The following DUSP29 variants were observed in gnomAD, a reference collection of about 807,000 sequenced individuals.
DUSP29 encodes the protein dual specificity phosphatase 29.
In DUSP29, 12 loss-of-function variants were observed where a neutral mutation model predicts 13.5. That is an observed-to-expected ratio of 0.89 (90% CI 0.57 to 1.44). The LOEUF is 1.44. Ranked by LOEUF, DUSP29 falls within the 40% of genes most tolerant of loss-of-function variation. The probability of loss-of-function intolerance (pLI) is 0.00; values close to 1 mark genes in which losing one functional copy is unlikely to be tolerated. For synonymous variants in DUSP29, 134 were observed against 128.7 expected (o/e 1.04, Z -0.28); for missense variants, 308 against 301.1 (o/e 1.02, Z -0.17).
At chr10:75,060,552 A>G (rs10824259) in intron 1 of DUSP29, among the ~76,000 whole-genome samples, 50,477 of 151,770 alleles carry the variant, frequency 0.33, 9,271 homozygotes, top group East Asian at 0.73. Context: ...AGATGGATAG[A>G]TAAAGGAGAA....
At chr10:75,052,690 G>C (rs1230852021) in intron 2 of DUSP29, among the ~76,000 whole-genome samples, 2 of 151,606 alleles carry the variant, frequency 1.3e-5, no homozygotes, top group South Asian at 4.2e-4. Context: ...GACTTCAAGC[G>C]AGCCACCTGC....
At chr10:75,057,500 G>A (rs570979592) in intron 2 of DUSP29, among the ~76,000 whole-genome samples, 5 of 152,232 alleles carry the variant, frequency 3.3e-5, no homozygotes, top group African/African-American at 9.6e-5. Flanking sequence ...TAACTGCTCT[G>A]TGCCTCAGTT....
intron 2 of DUSP29, among the ~76,000 whole-genome samples, chr10:75,045,478 C>A (rs2072886118): frequency 6.6e-6 from 1 of 152,178 alleles, no homozygotes; most frequent in African/African-American, 2.4e-5. Context: ...TCCGAAGGAC[C>A]TAAAACTTCA....
At chr10:75,044,122 G>A (rs6480766) in intron 2 of DUSP29, 105 bp from the exon 3 acceptor site, 109,081 of 1,100,924 alleles carry the variant, frequency 0.099, 15,305 homozygotes, top group African/African-American at 0.57. Flanking sequence ...GTTCCAGAAT[G>A]AGGACTAGTT....
intron 1 of DUSP29, among the ~76,000 whole-genome samples, chr10:75,065,335 G>C (rs567114602): frequency 8.5e-5 from 13 of 152,232 alleles, no homozygotes; most frequent in African/African-American, 3.1e-4. Context: ...GCCTAGGAAT[G>C]AGAGCATGTG....
At chr10:75,065,926 T>C (rs1221497438) in intron 1 of DUSP29, among the ~76,000 whole-genome samples, 1 of 152,126 alleles carries the variant, frequency 6.6e-6, no homozygotes, top group African/African-American at 2.4e-5. Context: ...AGACATTGTC[T>C]TGCTATGGTG....
At chr10:75,050,589 C>A (rs1205405812) in intron 2 of DUSP29, among the ~76,000 whole-genome samples, 1 of 152,232 alleles carries the variant, frequency 6.6e-6, no homozygotes, top group Admixed American at 6.5e-5. Context: ...AGTCCCAGAA[C>A]AATAAAATGC....
rs769146430 is a variant in DUSP29 at position 75,058,471 on chromosome 10, G to A, written c.44C>T (p.Ser15Leu). The change falls in exon 2 of 4, where the codon TCA becomes TTA. Residue 15 changes from serine (S) to leucine (L), a missense_variant. Physicochemically the swap from Ser to Leu is moderately radical, Grantham distance 145. Transcript: ENST00000338487. ...EVKTSLKNAYSSAKRLSPKME... is the reference protein window; with the variant it reads ...EVKTSLKNAYLSAKRLSPKME... ...CTTCGGCGACAGCCTCTTGGCAGATGAGTAGGCATTCTTGAGGCTTGTCTT... is the reference window on the plus strand; with the variant it reads ...CTTCGGCGACAGCCTCTTGGCAGATAAGTAGGCATTCTTGAGGCTTGTCTT... 4 of 1,614,244 alleles carry A rather than the reference G, an allele frequency of 2.5e-6. No homozygotes were observed. The highest frequency in any genetic ancestry group is 2.2e-5 in the East Asian group (1 of 44,886).
chr10:75,041,989 A>G (rs771266530), intron 3 of DUSP29, among the ~76,000 whole-genome samples: 20 of 152,222 alleles, frequency 1.3e-4, no homozygotes, highest in Non-Finnish European at 2.8e-4. Flanking sequence ...TACAGTTCAA[A>G]GTTGGAATGT....
In DUSP29 at chr10:75,038,022, C is replaced by T. The variant is rs762681208; in HGVS notation, c.477G>A (p.Leu159=). Residue 159 remains leucine, a synonymous_variant, in exon 4 of 4, where the codon CTG becomes CTA. Transcript: ENST00000338487. ...TGTCCTTGTGGATCATCAGGTAGGC[C>T]AGGACCAGGGTGGCTGACCGGCTGC... The part of the protein sequence containing the change: ...MGRSRSATLV[L]AYLMIHKDMT... 1.9e-6 allele frequency: 3 copies of T among 1,613,916 alleles called. No homozygotes were observed. The East Asian group carries it at 6.7e-5, about 36-fold the overall frequency.
chr10:75,063,833 T>C (rs1847139263), intron 1 of DUSP29, among the ~76,000 whole-genome samples: 1 of 151,986 alleles, frequency 6.6e-6, no homozygotes. Flanking sequence ...TATCAAAACA[T>C]CACATCGTAT....
intron 1 of DUSP29, among the ~76,000 whole-genome samples, chr10:75,060,011 T>A (rs550577762): frequency 2.6e-5 from 4 of 151,738 alleles, no homozygotes; most frequent in African/African-American, 9.7e-5. Context: ...ATACAAAAAA[T>A]TAGCCGGGTG....
intron 2 of DUSP29, among the ~76,000 whole-genome samples, chr10:75,054,462 G>T (rs759451533): frequency 1.7e-4 from 26 of 152,138 alleles, no homozygotes; most frequent in Admixed American, 5.2e-4. Flanking sequence ...AGTAATAAAA[G>T]AAAATGTTTA....
chr10:75,057,539 C>T (rs931687522), intron 2 of DUSP29, among the ~76,000 whole-genome samples: 8 of 152,154 alleles, frequency 5.3e-5, no homozygotes, highest in Non-Finnish European at 8.8e-5. Flanking sequence ...GAGTAATTAG[C>T]CTCTATCACT....
chr10:75,071,227 C>T (rs1274666347), intron 1 of DUSP29, among the ~76,000 whole-genome samples: 1 of 152,244 alleles, frequency 6.6e-6, no homozygotes, highest in Non-Finnish European at 1.5e-5. Context: ...CTGTCCATCC[C>T]TCATTAAGCT....
chr10:75,054,449 A>G (rs1846912425), intron 2 of DUSP29, among the ~76,000 whole-genome samples: 1 of 152,234 alleles, frequency 6.6e-6, no homozygotes, highest in Non-Finnish European at 1.5e-5. Flanking sequence ...TAAATATATA[A>G]GAAGTAATAA....
At chr10:75,067,852 G>A (rs185925765) in intron 1 of DUSP29, among the ~76,000 whole-genome samples, 5 of 151,598 alleles carry the variant, frequency 3.3e-5, no homozygotes, top group Non-Finnish European at 7.4e-5. Context: ...TCACTCTGTC[G>A]CCCAGGCTGG....
chr10:75,071,354 T>C (rs958707929), intron 1 of DUSP29, among the ~76,000 whole-genome samples: 1 of 152,184 alleles, frequency 6.6e-6, no homozygotes, highest in African/African-American at 2.4e-5. Context: ...TGGGGAAGGC[T>C]TGGTGGAGGC....
At chr10:75,055,946 A>G (rs142484464) in intron 2 of DUSP29, among the ~76,000 whole-genome samples, 30 of 152,122 alleles carry the variant, frequency 2.0e-4, no homozygotes, top group African/African-American at 7.2e-4. Flanking sequence ...CTGTTGCTCT[A>G]TCCCTCAGGC....
Sources: gnomAD v4.1 joint callset for allele counts (sites outside exome capture counted in the v4.1 genomes callset) on GRCh38, gnomAD v4.1.1 for gene constraint, MANE v1.5 for transcripts, NCBI Gene and HGNC (gene_info 2026-07-23, HGNC 2026-07-21) for gene names.